The following HADHA variants were observed in gnomAD, a reference collection of about 807,000 sequenced individuals.
HADHA encodes hydroxyacyl-CoA dehydrogenase trifunctional multienzyme complex subunit alpha, also known as trifunctional enzyme subunit alpha, mitochondrial.
A neutral mutation model predicts 91.3 loss-of-function variants in HADHA; 59 were observed. The ratio of observed to expected loss-of-function variants is 0.65; its 90% CI spans 0.52 to 0.80. The LOEUF (loss-of-function observed/expected upper bound fraction) is 0.80. Among genes scored for constraint, HADHA ranks in the 30% least tolerant of loss-of-function variants. HADHA has a pLI of 0.00. For missense variants in HADHA, 800 were observed against 927.6 expected (o/e 0.86, Z 1.79); for synonymous variants, 320 against 338.9 (o/e 0.94, Z 0.61).
intron 13 of HADHA, 87 bp downstream of exon 13, chr2:26,201,062 T>C: frequency 1.0e-6 from 1 of 972,194 alleles, no homozygotes; most frequent in Admixed American, 1.9e-5. Context: ...AAAGCAATCA[T>C]GAGTTTCCTA....
Position 26,209,896 on chromosome 2 carries a change from A to C in HADHA, c.976-7T>G, listed in dbSNP as rs1670058905. The C allele has an allele frequency of 6.5e-6, 9 of 1,385,204 alleles. No homozygotes were observed. The highest frequency in any genetic ancestry group is 8.2e-6 in the Non-Finnish European group (8 of 970,964). 85.8% of individuals were successfully genotyped at this position (1,385,204 alleles called of 1,614,324 possible). A position where few individuals can be genotyped will look rare whatever the true frequency, so the allele number is the denominator to read the frequency against. On this transcript the variant is annotated splice_region_variant and splice_polypyrimidine_tract_variant and intron_variant, in intron 10 of 19. Transcript: ENST00000380649. The stretch of plus-strand genomic sequence containing the variant: ...TTACAAGCTCTCCAAATTTCTGAAA[A>C]GTAAAGGGGAATGAGAAAAGGTAGA...
rs5830004 is a variant in HADHA at position 26,229,348 on chromosome 2, G to GCACACACACACACACA, written c.676+828_676+843dup. On this transcript the variant is annotated intron_variant, in intron 7 of 19. Coordinates refer to ENST00000380649, the MANE Select transcript of HADHA (RefSeq NM_000182.5). This position sits in a 1 kb window ranked among gnomAD's most constrained non-coding sequence, Gnocchi z 4.3. The stretch of plus-strand genomic sequence containing the variant: ...GTGAGACCCCAACATGTGTGCGCGC[G>GCACACACACACACACA]CACACACACACACACACACACACAC... 7.2e-3 allele frequency among the ~76,000 whole-genome samples: 1,057 copies of GCACACACACACACACA among 147,600 alleles called. 11 individuals carry two copies. The highest frequency in any genetic ancestry group is 0.024 in the African/African-American group (964 of 39,634).
At chr2:26,243,209 T>C (rs1173892750) in intron 1 of HADHA, 2 of 152,212 alleles carry the variant, frequency 1.3e-5, no homozygotes, top group African/African-American at 4.8e-5. Context: ...GTGCCCTGGC[T>C]ACCACTTCCG....
In HADHA at chr2:26,214,719, C is replaced by T. The variant is rs1670177229; in HGVS notation, c.800-158G>A. 3.1e-6 allele frequency: 2 copies of T among 649,524 alleles called. No individual in the cohort carries two copies. The highest frequency in any genetic ancestry group is 2.5e-5 in the Admixed American group (1 of 39,442). 40.2% of individuals were successfully genotyped at this position (649,524 alleles called of 1,614,324 possible). ...ATATAAATTTCAACCTAAGCACTAC[C>T]TTAAACATGCTAAGTGATGAATGTT... is the stretch of plus-strand genomic sequence containing the variant. On this transcript the variant is annotated intron_variant, in intron 8 of 19. Coordinates refer to ENST00000380649, the MANE Select transcript of HADHA (RefSeq NM_000182.5). The surrounding 1 kb of genome is among the most constrained non-coding windows in gnomAD (Gnocchi z 4.1).
intron 17 of HADHA, 148 bp downstream of exon 17, chr2:26,193,429 C>G (rs1669570090): frequency 1.3e-6 from 1 of 776,414 alleles, no homozygotes; most frequent in African/African-American, 1.7e-5. Context: ...GCACCTGACT[C>G]ATAAAATCAT....
intron 14 of HADHA, among the ~76,000 whole-genome samples, chr2:26,195,914 G>C (rs1267079735): frequency 1.3e-5 from 2 of 152,198 alleles, no homozygotes; most frequent in African/African-American, 4.8e-5. Context: ...TAAGGTTTCA[G>C]AGAAACCCCT....
At chr2:26,217,177 C>T (rs933558943) in intron 7 of HADHA, among the ~76,000 whole-genome samples, 21 of 151,042 alleles carry the variant, frequency 1.4e-4, no homozygotes, top group African/African-American at 4.9e-4. Context: ...GGCAAGACCC[C>T]GTCTGAAAAA....
Position 26,195,133 on chromosome 2 carries a change from C to T in HADHA, c.1579G>A (p.Ala527Thr), listed in dbSNP as rs1217723921. ...TSKDTSASAVAVGLKQGKVII... is the reference protein window; with the variant it reads ...TSKDTSASAVTVGLKQGKVII... ...ACCTTCCCCTGCTTGAGACCAACTG[C>T]TACAGCTGAAGCACTGGTGTCTTTG... Residue 527 changes from alanine (A) to threonine (T), a missense_variant, in exon 15 of 20, where the codon GCA becomes ACA. Physicochemically the swap from Ala to Thr is moderately conservative, Grantham distance 58. Coordinates refer to ENST00000380649, the MANE Select transcript of HADHA (RefSeq NM_000182.5). The T allele has an allele frequency of 1.2e-6, 2 of 1,613,010 alleles. No individual in the cohort carries two copies. Among genetic ancestry groups the T allele is most frequent in the East Asian group, 2.2e-5 (1 of 44,872 alleles).
At chr2:26,236,357 G>A (rs1020110070) in intron 4 of HADHA, among the ~76,000 whole-genome samples, 1 of 100,294 alleles carries the variant, frequency 1.0e-5, no homozygotes, top group South Asian at 3.5e-4. Flanking sequence ...GTGTGTGTGT[G>A]TGTATATATA....
Position 26,234,204 on chromosome 2 carries a change from A to G in HADHA, c.453+13T>C, listed in dbSNP as rs1181154232. 1 of 1,612,128 alleles carries G rather than the reference A, an allele frequency of 6.2e-7. No individual in the cohort carries two copies. The highest frequency in any genetic ancestry group is 1.7e-5 in the Admixed American group (1 of 60,026). Reference sequence around the variant, plus strand: ...AGTTGGACAGTGTCTCAATAACTTTAGAATATCTATACCTCAAGTCCTCCT... The same window carrying G: ...AGTTGGACAGTGTCTCAATAACTTTGGAATATCTATACCTCAAGTCCTCCT... On this transcript the variant is annotated intron_variant, in intron 5 of 19. Coordinates refer to ENST00000380649, the MANE Select transcript of HADHA (RefSeq NM_000182.5).
chr2:26,218,415 C>T (rs1455258483), intron 7 of HADHA, among the ~76,000 whole-genome samples: 1 of 152,068 alleles, frequency 6.6e-6, no homozygotes, highest in Admixed American at 6.5e-5. Flanking sequence ...ACCTACACTA[C>T]AGAAAACACT....
chr2:26,192,631 C>G (rs2147750799), intron 17 of HADHA, among the ~76,000 whole-genome samples: 1 of 152,032 alleles, frequency 6.6e-6, no homozygotes, highest in Admixed American at 6.5e-5. Context: ...ACTAAAAATA[C>G]AAAAATTAGC....
intron 14 of HADHA, among the ~76,000 whole-genome samples, chr2:26,196,111 A>G (rs114437350): frequency 2.0e-5 from 3 of 152,156 alleles, no homozygotes; most frequent in African/African-American, 7.2e-5. Context: ...CTTACATTTA[A>G]TCCATTACAA....
intron 16 of HADHA, 130 bp from the exon 17 acceptor site, chr2:26,193,902 A>C: frequency 4.2e-6 from 3 of 718,104 alleles, no homozygotes; most frequent in Non-Finnish European, 7.4e-6. Flanking sequence ...CAGGCCCAGG[A>C]CTGGTGCTAT....
chr2:26,211,696 G>C (rs1387117826), intron 10 of HADHA, among the ~76,000 whole-genome samples: 1 of 152,154 alleles, frequency 6.6e-6, no homozygotes, highest in African/African-American at 2.4e-5. Context: ...TTATAAAAGA[G>C]CAACCATTCT....
intron 3 of HADHA, 23 bp from the exon 4 acceptor site, chr2:26,237,011 G>C: frequency 6.3e-7 from 1 of 1,583,212 alleles, no homozygotes; most frequent in Non-Finnish European, 8.7e-7. Context: ...AATATATACA[G>C]GTAAGGGTTT....
intron 7 of HADHA, among the ~76,000 whole-genome samples, chr2:26,220,114 A>G (rs558269083): frequency 1.3e-5 from 2 of 152,282 alleles, no homozygotes; most frequent in Admixed American, 1.3e-4. Context: ...CTGAACTAAC[A>G]CTAATTCTAG....
At chr2:26,202,010 A>C (rs1320100927) in intron 12 of HADHA, among the ~76,000 whole-genome samples, 1 of 149,736 alleles carries the variant, frequency 6.7e-6, no homozygotes, top group African/African-American at 2.5e-5. Context: ...CATCTTGGCC[A>C]GGCTGGTCTT....
chr2:26,207,031 C>T (rs542661974), intron 11 of HADHA, among the ~76,000 whole-genome samples: 2 of 152,266 alleles, frequency 1.3e-5, no homozygotes, highest in East Asian at 3.9e-4. Flanking sequence ...GAACTCATCT[C>T]TACAAAATAT....
Sources: gnomAD v4.1 joint callset for allele counts (sites outside exome capture counted in the v4.1 genomes callset) on GRCh38, gnomAD v4.1.1 for gene constraint, Gnocchi (gnomAD v3.1) non-coding constraint, MANE v1.5 for transcripts, NCBI Gene and HGNC (gene_info 2026-07-23, HGNC 2026-07-21) for gene names.